Variants in SLC4A4 observed in about 807,000 individuals in gnomAD.
SLC4A4 encodes the protein electrogenic sodium bicarbonate cotransporter 1.
SLC4A4 carries 27 observed loss-of-function variants against 111.5 expected under a neutral mutation model. The ratio of observed to expected loss-of-function variants is 0.24; its 90% CI spans 0.18 to 0.33. The LOEUF (loss-of-function observed/expected upper bound fraction) is 0.33, where lower values mean the gene tolerates loss of function less well. SLC4A4 is among the 10% of genes least tolerant of loss of function. The pLI is 1.00. For synonymous variants in SLC4A4, 443 were observed against 463.4 expected, an observed-to-expected ratio of 0.96 and a Z score of 0.57; for missense variants, 909 against 1,315.5, an observed-to-expected ratio of 0.69 and a Z score of 4.78.
intron 4 of SLC4A4, among the ~76,000 whole-genome samples, chr4:71,345,989 C>T (rs1478930106): frequency 6.6e-6 from 1 of 152,004 alleles, no homozygotes; most frequent in African/African-American, 2.4e-5. Context: ...CATTTATCAT[C>T]ATTTCAATAG....
chr4:71,181,487 T>C (rs1028004541), intron 2 of SLC4A4, among the ~76,000 whole-genome samples: 1 of 152,322 alleles, frequency 6.6e-6, no homozygotes, highest in East Asian at 1.9e-4. Context: ...CACGAGATGC[T>C]TTATGCACAT....
At chr4:71,270,183 G>A (rs1722601695) in intron 3 of SLC4A4, among the ~76,000 whole-genome samples, 1 of 152,172 alleles carries the variant, frequency 6.6e-6, no homozygotes. Flanking sequence ...TGCCTCCTGG[G>A]TTCAAGCGAT....
intron 2 of SLC4A4, among the ~76,000 whole-genome samples, chr4:71,136,784 C>T (rs1578513509): frequency 6.6e-6 from 1 of 152,256 alleles, no homozygotes; most frequent in South Asian, 2.1e-4. Context: ...TGGCATCCCT[C>T]TATAATCCCT....
chr4:71,489,333 G>A (rs1729693965), intron 15 of SLC4A4, among the ~76,000 whole-genome samples: 1 of 151,748 alleles, frequency 6.6e-6, no homozygotes, highest in South Asian at 2.1e-4. Context: ...AGTGTTTTAT[G>A]TAGAGGAACT....
At chr4:71,318,320 T>C (rs1726854239) in intron 3 of SLC4A4, among the ~76,000 whole-genome samples, 1 of 152,050 alleles carries the variant, frequency 6.6e-6, no homozygotes, top group African/African-American at 2.4e-5. Context: ...TCTTTTGACT[T>C]AGTTCAGAAC....
intron 12 of SLC4A4, among the ~76,000 whole-genome samples, chr4:71,457,061 G>A (rs1156764094): frequency 6.6e-6 from 1 of 152,164 alleles, no homozygotes; most frequent in Admixed American, 6.6e-5. Flanking sequence ...ATAGACATGG[G>A]TGCTGGGTAG....
chr4:71,437,152 G>A, intron 7 of SLC4A4: 1 of 458,020 alleles, frequency 2.2e-6, no homozygotes, highest in Non-Finnish European at 4.3e-6. Flanking sequence ...ATCCGTCAGA[G>A]GGATGCCAGC....
upstream of SLC4A4, among the ~76,000 whole-genome samples, chr4:71,182,633 G>A (rs957772811): frequency 5.9e-5 from 9 of 152,202 alleles, no homozygotes; most frequent in East Asian, 1.7e-3. Flanking sequence ...TCCCAAGGAG[G>A]CAGGAAGCCA....
chr4:71,275,198 G>GT (rs1345212144), intron 3 of SLC4A4, among the ~76,000 whole-genome samples: 1 of 152,188 alleles, frequency 6.6e-6, no homozygotes, highest in Non-Finnish European at 1.5e-5. Flanking sequence ...GCCAGTGCCA[G>GT]TACAGCCCTT....
At chr4:71,228,595 A>G (rs900620473) in intron 1 of SLC4A4, among the ~76,000 whole-genome samples, 2 of 152,206 alleles carry the variant, frequency 1.3e-5, no homozygotes, top group Admixed American at 6.5e-5. Flanking sequence ...TGCATCTGGG[A>G]TTTTGTATTC....
chr4:71,527,813 G>A (rs544686281), intron 16 of SLC4A4, among the ~76,000 whole-genome samples: 6 of 152,148 alleles, frequency 3.9e-5, no homozygotes, highest in Middle Eastern at 6.8e-3. Context: ...CTGGAATTTG[G>A]AAGAGTGGTC....
intron 6 of SLC4A4, among the ~76,000 whole-genome samples, chr4:71,393,871 C>T (rs962224324): frequency 6.6e-6 from 1 of 152,000 alleles, no homozygotes; most frequent in Non-Finnish European, 1.5e-5. Context: ...TACTTACAAC[C>T]AACTGATCTC....
chr4:71,301,851 G>T (rs1725288915), intron 3 of SLC4A4, among the ~76,000 whole-genome samples: 1 of 152,218 alleles, frequency 6.6e-6, no homozygotes, highest in East Asian at 1.9e-4. Flanking sequence ...GCCGCTGCAG[G>T]CAATCCAGCT....
rs1412392710 is a variant in SLC4A4 at position 71,129,832 on chromosome 4, C to T, written c.-2+37040C>T. Among the ~76,000 whole-genome samples the T allele has an allele frequency of 2.8e-5, 4 of 142,502 alleles. No individual in the cohort carries two copies. In the East Asian group the frequency reaches 6.2e-4, roughly 22 times the overall value. 93.5% of individuals were successfully genotyped at this position (142,502 alleles called of 152,430 possible). ...AAGAATGAGATCATGTCCTCTGTAG[C>T]AACACAGATGGAGCTGGAGGTCATT... On this transcript the variant is annotated intron_variant, in intron 2 of 26. Coordinates refer to the SLC4A4 transcript ENST00000649996.
chr4:71,106,749 A>G (rs1344269388), intron 2 of SLC4A4, among the ~76,000 whole-genome samples: 4 of 132,128 alleles, frequency 3.0e-5, no homozygotes. Context: ...CAGGAAGGGG[A>G]ACATCACACT....
intron 17 of SLC4A4, among the ~76,000 whole-genome samples, chr4:71,533,711 T>A (rs1204574837): frequency 6.6e-6 from 1 of 152,000 alleles, no homozygotes; most frequent in African/African-American, 2.4e-5. Context: ...GTTATGGCTT[T>A]TTATATATAT....
At chr4:71,121,662 C>T (rs750338659) in intron 2 of SLC4A4, among the ~76,000 whole-genome samples, 7 of 152,074 alleles carry the variant, frequency 4.6e-5, no homozygotes, top group Admixed American at 4.6e-4. Flanking sequence ...CAATCAGCAC[C>T]CTGTCAAAAC....
At chr4:71,302,486 A>G (rs1460523801) in intron 3 of SLC4A4, among the ~76,000 whole-genome samples, 1 of 152,234 alleles carries the variant, frequency 6.6e-6, no homozygotes, top group African/African-American at 2.4e-5. Flanking sequence ...ATCAATGAAA[A>G]TTACCTTTAA....
chr4:71,412,570 C>A (rs1721455137), intron 7 of SLC4A4, among the ~76,000 whole-genome samples: 1 of 152,168 alleles, frequency 6.6e-6, no homozygotes, highest in African/African-American at 2.4e-5. Context: ...TTTTTAAAGT[C>A]TTTCTTTGCA....
Sources: allele counts gnomAD v4.1 joint callset (sites outside exome capture counted in the v4.1 genomes callset), GRCh38; gene constraint gnomAD v4.1.1; transcripts MANE v1.5; gene names NCBI Gene and HGNC (gene_info 2026-07-23, HGNC 2026-07-21).